CAPZA2: variants seen among roughly 807,000 people sequenced by gnomAD.
CAPZA2 encodes the protein capping actin protein of muscle Z-line subunit alpha 2.
Under a neutral mutation model 44.0 loss-of-function variants are expected in CAPZA2, and 13 were observed. The observed-to-expected ratio is 0.30, with a 90% CI of 0.19 to 0.47. The LOEUF (loss-of-function observed/expected upper bound fraction) is 0.47, where lower values mean the gene tolerates loss of function less well. Ranked by LOEUF, CAPZA2 falls within the 20% of genes least tolerant of loss-of-function variation. CAPZA2 has a pLI of 1.00. For synonymous variants in CAPZA2, 94 were observed against 108.2 expected, an observed-to-expected ratio of 0.87 and a Z score of 0.81; for missense variants, 244 against 338.6, an observed-to-expected ratio of 0.72 and a Z score of 2.19.
rs1011661340 is a variant in CAPZA2 at position 116,863,620 on chromosome 7, G to A, written c.39+970G>A. On this transcript the variant is annotated intron_variant, in intron 1 of 9. Coordinates refer to ENST00000361183, the MANE Select transcript of CAPZA2 (RefSeq NM_006136.3). ...CCCATTCCCGAGGGTGGTGGGGTAG[G>A]GGAGAACCCTGCTAATTTTGACTGT... Among the ~76,000 whole-genome samples, 4 of 152,146 alleles carry A rather than the reference G, an allele frequency of 2.6e-5. No individual in the cohort carries two copies. In the South Asian group the frequency reaches 8.3e-4, roughly 32 times the overall value.
In CAPZA2 at chr7:116,919,483, A is replaced by C. The variant is rs558735534; in HGVS notation, c.*1616A>C. 1 of 152,086 alleles carries C rather than the reference A, an allele frequency of 6.6e-6. No individual in the cohort carries two copies. The highest frequency in any genetic ancestry group is 2.4e-5 in the African/African-American group (1 of 41,412). The allele number at this position is 152,086 out of a possible 1,614,324, so 9.4% of individuals were successfully genotyped here. A position where few individuals can be genotyped will look rare whatever the true frequency, so the allele number is the denominator to read the frequency against. Reference sequence around the variant, plus strand: ...ATCCCATGAAAGTCATCAATTTCCTATCTCTGTTCTAGTCTGGAATGCATT... The same window carrying C: ...ATCCCATGAAAGTCATCAATTTCCTCTCTCTGTTCTAGTCTGGAATGCATT... On this transcript the variant is annotated 3_prime_UTR_variant, in exon 10 of 10. Coordinates refer to ENST00000361183, the MANE Select transcript of CAPZA2 (RefSeq NM_006136.3).
chr7:116,910,421 T>G, intron 7 of CAPZA2, 110 bp downstream of exon 7: 2 of 632,252 alleles, frequency 3.2e-6, no homozygotes, highest in Non-Finnish European at 5.6e-6. Flanking sequence ...TTTTCAGGTC[T>G]TTGTTTTGGG....
At chr7:116,865,386 A>C (rs993061964) in intron 1 of CAPZA2, among the ~76,000 whole-genome samples, 16 of 151,336 alleles carry the variant, frequency 1.1e-4, no homozygotes, top group Admixed American at 1.1e-3. Flanking sequence ...GGGTTTCGCT[A>C]TGTTGCCCAG....
rs1216726242 is a variant in CAPZA2 at position 116,879,145 on chromosome 7, A to AG, written c.40-8982_40-8981insG. Among the ~76,000 whole-genome samples, 429 of 150,040 alleles carry AG rather than the reference A, an allele frequency of 2.9e-3. 4 individuals carry two copies. Among genetic ancestry groups the AG allele is most frequent in the African/African-American group, 0.01 (411 of 40,188 alleles). Reference sequence around the variant, plus strand: ...GTCTCAAAAAAAAAAAAAAAAAAAAAAAAAGAAAAGAATACTGGGACTATG... The same window carrying AG: ...GTCTCAAAAAAAAAAAAAAAAAAAAAGAAAAGAAAAGAATACTGGGACTATG... On this transcript the variant is annotated intron_variant, in intron 1 of 9. Coordinates refer to ENST00000361183, the MANE Select transcript of CAPZA2 (RefSeq NM_006136.3).
intron 1 of CAPZA2, among the ~76,000 whole-genome samples, chr7:116,871,437 A>G (rs1247607198): frequency 6.6e-6 from 1 of 152,218 alleles, no homozygotes; most frequent in Non-Finnish European, 1.5e-5. Context: ...ATTAATTGTC[A>G]GAATAACCTT....
At chr7:116,893,247 C>T (rs892583778) in intron 3 of CAPZA2, among the ~76,000 whole-genome samples, 2 of 152,124 alleles carry the variant, frequency 1.3e-5, no homozygotes, top group Non-Finnish European at 1.5e-5. Flanking sequence ...TCTTCTGCCT[C>T]AGCCTCCCGA....
intron 1 of CAPZA2, among the ~76,000 whole-genome samples, chr7:116,882,427 C>A (rs1435411433): frequency 6.6e-6 from 1 of 151,994 alleles, no homozygotes; most frequent in Non-Finnish European, 1.5e-5. Context: ...CTGTGGGTTA[C>A]CATTCATTAC....
chr7:116,908,884 A>G (rs1415908975), intron 6 of CAPZA2, among the ~76,000 whole-genome samples: 1 of 152,194 alleles, frequency 6.6e-6, no homozygotes, highest in Non-Finnish European at 1.5e-5. Context: ...TTTGTAGAAC[A>G]TATACATTGT....
intron 9 of CAPZA2, among the ~76,000 whole-genome samples, chr7:116,916,990 G>A (rs912393634): frequency 2.0e-5 from 3 of 152,064 alleles, no homozygotes; most frequent in Non-Finnish European, 4.4e-5. Context: ...TGGATTATGT[G>A]TAATCTGTTT....
At chr7:116,867,582 C>G (rs1017862066) in intron 1 of CAPZA2, among the ~76,000 whole-genome samples, 1 of 114,826 alleles carries the variant, frequency 8.7e-6, no homozygotes, top group African/African-American at 3.1e-5. Flanking sequence ...ATTTCTCTCT[C>G]TTTTTTTTTT....
At chr7:116,890,525 AAT>A (rs869031070) in intron 2 of CAPZA2, among the ~76,000 whole-genome samples, 39 of 27,222 alleles carry the variant, frequency 1.4e-3, no homozygotes, top group Non-Finnish European at 1.8e-3. Flanking sequence ...AAAAAAAAAA[AAT>A]ATATATATAT....
chr7:116,876,998 A>C (rs1465824053), intron 1 of CAPZA2, among the ~76,000 whole-genome samples: 1 of 152,198 alleles, frequency 6.6e-6, no homozygotes, highest in Non-Finnish European at 1.5e-5. Flanking sequence ...CCGGGACCCA[A>C]AGCTTGCTAC....
At chr7:116,868,813 TA>T (rs1312427184) in intron 1 of CAPZA2, among the ~76,000 whole-genome samples, 1 of 152,246 alleles carries the variant, frequency 6.6e-6, no homozygotes, top group East Asian at 1.9e-4. Flanking sequence ...TATTCATTCC[TA>T]ATTCTATTCT....
intron 3 of CAPZA2, among the ~76,000 whole-genome samples, chr7:116,896,027 C>T (rs545013592): frequency 6.6e-6 from 1 of 152,256 alleles, no homozygotes; most frequent in South Asian, 2.1e-4. Flanking sequence ...GGCAGTTTCA[C>T]TAGGGTAAGT....
At chr7:116,899,573 T>C (rs1796968929) in intron 4 of CAPZA2, among the ~76,000 whole-genome samples, 2 of 151,750 alleles carry the variant, frequency 1.3e-5, no homozygotes, top group African/African-American at 4.8e-5. Flanking sequence ...TTAAGCTTAT[T>C]TATAGATATG....
chr7:116,901,176 G>T (rs1796989748), intron 4 of CAPZA2, among the ~76,000 whole-genome samples: 1 of 152,018 alleles, frequency 6.6e-6, no homozygotes, highest in Non-Finnish European at 1.5e-5. Context: ...CAAAGGAACA[G>T]AAATCATTCT....
At chr7:116,914,104 T>C (rs1238196915) in intron 8 of CAPZA2, among the ~76,000 whole-genome samples, 1 of 150,680 alleles carries the variant, frequency 6.6e-6, no homozygotes, top group Non-Finnish European at 1.5e-5. Context: ...CTTGGCTCAC[T>C]GCAAGCTCCG....
chr7:116,863,885 A>T (rs1303103747), intron 1 of CAPZA2, among the ~76,000 whole-genome samples: 2 of 152,132 alleles, frequency 1.3e-5, no homozygotes, highest in Non-Finnish European at 2.9e-5. Flanking sequence ...CTTGCACCGA[A>T]ATAGAAGGTT....
chr7:116,904,362 T>C lies in CAPZA2; in HGVS notation c.405T>C (p.His135=), dbSNP rs368360127. 17 of 1,612,026 alleles carry C rather than the reference T, an allele frequency of 1.1e-5. No individual in the cohort carries two copies. The African/African-American group carries it at 2.3e-4, about 21-fold the overall frequency. ...CTCTGAGAGCTTACGTAAAAGAACA[T>C]TACCCGAATGGAGTCTGCACTGTAA... ...ETALRAYVKE[H]YPNGVCTVYG... The change falls in exon 5 of 10, where the codon CAT becomes CAC. Residue 135 remains histidine (H), a synonymous_variant. Transcript: ENST00000361183.
Sources: gnomAD v4.1 joint callset for allele counts (sites outside exome capture counted in the v4.1 genomes callset) on GRCh38, gnomAD v4.1.1 for gene constraint, MANE v1.5 for transcripts, NCBI Gene and HGNC (gene_info 2026-07-23, HGNC 2026-07-21) for gene names.